The following DTWD1 variants were observed in gnomAD, a reference collection of about 807,000 sequenced individuals.
DTWD1 encodes tRNA-uridine aminocarboxypropyltransferase 1.
DTWD1 carries 27 observed loss-of-function variants against 30.2 expected under a neutral mutation model. The ratio of observed to expected loss-of-function variants is 0.90; its 90% CI spans 0.66 to 1.23. The LOEUF (loss-of-function observed/expected upper bound fraction) is 1.23. Among genes scored for constraint, DTWD1 ranks in the 50% most tolerant of loss-of-function variants. DTWD1 has a pLI of 0.00. For synonymous variants in DTWD1, 99 were observed against 113.1 expected, an observed-to-expected ratio of 0.88 and a Z score of 0.79; for missense variants, 342 against 348.8, an observed-to-expected ratio of 0.98 and a Z score of 0.15.
intron 4 of DTWD1, among the ~76,000 whole-genome samples, 173 bp downstream of exon 4, chr15:49,634,967 A>T (rs1219570027): frequency 6.6e-6 from 1 of 152,054 alleles, no homozygotes; most frequent in Non-Finnish European, 1.5e-5. Context: ...TATATTATAT[A>T]TTTTTTGGTT....
At chr15:49,621,507 A>T (rs1202558865) in intron 1 of DTWD1, among the ~76,000 whole-genome samples, 3 of 151,986 alleles carry the variant, frequency 2.0e-5, no homozygotes, top group Non-Finnish European at 4.4e-5. Flanking sequence ...ACGGAAGGGG[A>T]AGCGTAGTAC....
At position 49,625,111 on chromosome 15, in the gene DTWD1, A is replaced by T; in HGVS notation, c.-55-2A>T. 7.0e-7 allele frequency: 1 copy of T among 1,435,990 alleles called. No homozygotes were observed. The highest frequency in any genetic ancestry group is 9.5e-7 in the Non-Finnish European group (1 of 1,050,176). The allele number at this position is 1,435,990 out of a possible 1,614,324, so 89.0% of individuals were successfully genotyped here. The stretch of plus-strand genomic sequence containing the variant: ...CCTTCTCTTGATACTTTTTTTTTAC[A>T]GTGCACCTATGATATGTGTTTTAGA... On this transcript the variant is annotated splice_acceptor_variant, in intron 1 of 4. Transcript: ENST00000403028. LOFTEE classifies it low-confidence loss of function (5UTR_SPLICE).
intron 4 of DTWD1, among the ~76,000 whole-genome samples, chr15:49,635,069 C>G (rs1287470945): frequency 6.6e-6 from 1 of 152,124 alleles, no homozygotes; most frequent in Non-Finnish European, 1.5e-5. Flanking sequence ...CAGTCCCACT[C>G]TGTTGCCCAG....
chr15:49,625,231 A>G lies in DTWD1; in HGVS notation c.64A>G (p.Thr22Ala). Residue 22 changes from threonine to alanine, a missense_variant, in exon 2 of 5, where the codon ACA (threonine) becomes GCA (alanine). Thr to Ala is a moderately conservative substitution (Grantham distance 58). Transcript: ENST00000403028. ...SEENSSKFVE[T>A]KQSQTTSIAS... ...AGAAAATAGTTCAAAATTTGTGGAA[A>G]CAAAACAGTCACAAACTACTTCCAT... is the stretch of plus-strand genomic sequence containing the variant. 2 of 1,613,544 alleles carry G rather than the reference A, an allele frequency of 1.2e-6. No individual in the cohort carries two copies. The highest frequency in any genetic ancestry group is 4.5e-5 in the East Asian group (2 of 44,790).
chr15:49,636,603 A>T (rs577151885), intron 4 of DTWD1, among the ~76,000 whole-genome samples: 1 of 152,144 alleles, frequency 6.6e-6, no homozygotes, highest in East Asian at 1.9e-4. Context: ...CAATTGTCTG[A>T]ATGTTTCATT....
At chr15:49,627,943 CTTTT>C (rs1330343435) in intron 2 of DTWD1, among the ~76,000 whole-genome samples, 1 of 152,116 alleles carries the variant, frequency 6.6e-6, no homozygotes, top group Admixed American at 6.5e-5. Context: ...CTTACTGTGA[CTTTT>C]TTACTTTATA....
Position 49,645,149 on chromosome 15 carries a change from T to C in DTWD1, c.*1571T>C, listed in dbSNP as rs890028214. ...ATTTTGAACTTTATTTAAGCTGATATATCTTAAACTTACTTGAATATGTAG... is the reference window on the plus strand; with the variant it reads ...ATTTTGAACTTTATTTAAGCTGATACATCTTAAACTTACTTGAATATGTAG... On this transcript the variant is annotated 3_prime_UTR_variant, in exon 5 of 5. Coordinates refer to ENST00000403028, the MANE Select transcript of DTWD1 (RefSeq NM_001144955.2). The C allele has an allele frequency of 6.6e-6, 1 of 152,218 alleles. No individual in the cohort carries two copies. The highest frequency in any genetic ancestry group is 2.4e-5 in the African/African-American group (1 of 41,474). 9.4% of individuals were successfully genotyped at this position (152,218 alleles called of 1,614,324 possible). A position where few individuals can be genotyped will look rare whatever the true frequency, so the allele number is the denominator to read the frequency against.
At chr15:49,626,586 TAG>T (rs1408967566) in intron 2 of DTWD1, among the ~76,000 whole-genome samples, 2 of 152,142 alleles carry the variant, frequency 1.3e-5, no homozygotes, top group Non-Finnish European at 2.9e-5. Context: ...TGTAAGACTT[TAG>T]AGAGACTAAA....
In DTWD1 at chr15:49,648,864, G is replaced by T. The variant is rs185521380; in HGVS notation, c.*5286G>T. 1 of 152,102 alleles carries T rather than the reference G, an allele frequency of 6.6e-6. No individual in the cohort carries two copies. Among genetic ancestry groups the T allele is most frequent in the East Asian group, 1.9e-4 (1 of 5,170 alleles). The allele number at this position is 152,102 out of a possible 1,614,324, so 9.4% of individuals were successfully genotyped here. A position where few individuals can be genotyped will look rare whatever the true frequency, so the allele number is the denominator to read the frequency against. ...CGAGGCCTTATTTTGGCTTTCTTTCGAAAGGTCATTTCTGACCCCAGCTTG... is the reference window on the plus strand; with the variant it reads ...CGAGGCCTTATTTTGGCTTTCTTTCTAAAGGTCATTTCTGACCCCAGCTTG... On this transcript the variant is annotated 3_prime_UTR_variant, in exon 5 of 5. Transcript: ENST00000403028.
chr15:49,641,600 T>G (rs536272252), intron 4 of DTWD1, among the ~76,000 whole-genome samples: 2 of 152,264 alleles, frequency 1.3e-5, no homozygotes, highest in South Asian at 4.1e-4. Flanking sequence ...CCTTTAGGAA[T>G]TCCTTTAATT....
chr15:49,632,003 A>G (rs1246810646), intron 2 of DTWD1, 156 bp from the exon 3 acceptor site: 1 of 794,670 alleles, frequency 1.3e-6, no homozygotes, highest in Non-Finnish European at 2.1e-6. Context: ...GTTTTGTAAC[A>G]ATCACCATTC....
chr15:49,631,663 G>C (rs959708498), intron 2 of DTWD1, among the ~76,000 whole-genome samples: 1 of 152,132 alleles, frequency 6.6e-6, no homozygotes, highest in Admixed American at 6.5e-5. Flanking sequence ...TACTTGGGAG[G>C]CTGGGGCAGA....
rs1377500354 is a variant in DTWD1 at position 49,624,062 on chromosome 15, G to A, written c.-55-1051G>A. ...GGACTTACAATCTTAAAAAAAAAAA[G>A]AAAAAGAAAAATTCATTTGATGAGT... is the stretch of plus-strand genomic sequence containing the variant. On this transcript the variant is annotated intron_variant, in intron 1 of 4. Transcript: ENST00000403028. 5.0e-5 allele frequency among the ~76,000 whole-genome samples: 7 copies of A among 140,454 alleles called. No individual in the cohort carries two copies. In the Admixed American group the frequency reaches 5.0e-4, roughly 10 times the overall value. The allele number at this position is 140,454 out of a possible 152,430, so 92.1% of individuals were successfully genotyped here.
chr15:49,643,921 C>T lies in DTWD1; in HGVS notation c.*343C>T, dbSNP rs2079096255. 1 of 162,288 alleles carries T rather than the reference C, an allele frequency of 6.2e-6. No individual in the cohort carries two copies. Among genetic ancestry groups the T allele is most frequent in the Non-Finnish European group, 1.3e-5 (1 of 75,282 alleles). The allele number at this position is 162,288 out of a possible 1,614,324, so 10.1% of individuals were successfully genotyped here. On this transcript the variant is annotated 3_prime_UTR_variant, in exon 5 of 5. Coordinates refer to ENST00000403028, the MANE Select transcript of DTWD1 (RefSeq NM_001144955.2). Reference sequence around the variant, plus strand: ...ATTTCAACATCTTTATATCTTTTCACCTGTACTCATGACCACCTTTAGAAG... The same window carrying T: ...ATTTCAACATCTTTATATCTTTTCATCTGTACTCATGACCACCTTTAGAAG...
chr15:49,642,453 A>G (rs904979111), intron 4 of DTWD1, among the ~76,000 whole-genome samples: 2 of 152,182 alleles, frequency 1.3e-5, no homozygotes, highest in African/African-American at 4.8e-5. Flanking sequence ...GCTCTGCAGC[A>G]TACATGTGAC....
chr15:49,647,374 A>G lies in DTWD1; in HGVS notation c.*3796A>G, dbSNP rs2079126509. The stretch of plus-strand genomic sequence containing the variant: ...ACAATTTTATTTTCTAGTTCTGCAT[A>G]TCCTAGGTTATGTATTTCATTTCAG... On this transcript the variant is annotated 3_prime_UTR_variant, in exon 5 of 5. Transcript: ENST00000403028. 1.3e-5 allele frequency: 2 copies of G among 152,172 alleles called. No individual in the cohort carries two copies. The highest frequency in any genetic ancestry group is 2.4e-5 in the African/African-American group (1 of 41,456). 9.4% of individuals were successfully genotyped at this position (152,172 alleles called of 1,614,324 possible).
At chr15:49,640,052 C>G (rs1377084761) in intron 4 of DTWD1, among the ~76,000 whole-genome samples, 1 of 152,030 alleles carries the variant, frequency 6.6e-6, no homozygotes, top group African/African-American at 2.4e-5. Flanking sequence ...ACTCAAGCAC[C>G]AGTATTTCTA....
intron 2 of DTWD1, among the ~76,000 whole-genome samples, chr15:49,627,284 A>G (rs1473294331): frequency 2.6e-5 from 4 of 152,206 alleles, no homozygotes; most frequent in Non-Finnish European, 5.9e-5. Flanking sequence ...TGATACTTTA[A>G]TATACATTAA....
Position 49,655,522 on chromosome 15 carries a change from T to G in DTWD1, c.*11944T>G, listed in dbSNP as rs774324791. The stretch of plus-strand genomic sequence containing the variant: ...AACTCTGTGAGCCTTTATATCAGAT[T>G]AGTCCACCCCATTAGAACAAAAGCA... On this transcript the variant is annotated 3_prime_UTR_variant, in exon 5 of 5. Coordinates refer to ENST00000403028, the MANE Select transcript of DTWD1 (RefSeq NM_001144955.2). 1 of 152,024 alleles carries G rather than the reference T, an allele frequency of 6.6e-6. No individual in the cohort carries two copies. Among genetic ancestry groups the G allele is most frequent in the Non-Finnish European group, 1.5e-5 (1 of 67,970 alleles). 9.4% of individuals were successfully genotyped at this position (152,024 alleles called of 1,614,324 possible).
Sources: gnomAD v4.1 joint callset for allele counts (sites outside exome capture counted in the v4.1 genomes callset) on GRCh38, gnomAD v4.1.1 for gene constraint, MANE v1.5 for transcripts, NCBI Gene and HGNC (gene_info 2026-07-23, HGNC 2026-07-21) for gene names.